PCSK5: variants seen among roughly 807,000 people sequenced by gnomAD.
PCSK5 encodes prohormone convertase 5.
Under a neutral mutation model 233.2 loss-of-function variants are expected in PCSK5, and 129 were observed. The ratio of observed to expected loss-of-function variants is 0.55; its 90% confidence interval spans 0.48 to 0.64. PCSK5 has a LOEUF of 0.64. Among genes scored for constraint, PCSK5 ranks in the 30% least tolerant of loss-of-function variants. PCSK5 has a pLI of 0.00. For missense variants in PCSK5, 2,076 were observed against 2,430.1 expected (o/e 0.85, Z 3.06); for synonymous variants, 825 against 879.2 (o/e 0.94, Z 1.09).
At chr9:76,273,574 TAC>T (rs1554715302) in intron 24 of PCSK5, among the ~76,000 whole-genome samples, 26,111 of 81,078 alleles carry the variant, frequency 0.32, 3,174 homozygotes, top group East Asian at 0.41. Flanking sequence ...AATATATATA[TAC>T]ATATATATAT....
At chr9:75,904,636 A>G (rs915938398) in intron 1 of PCSK5, among the ~76,000 whole-genome samples, 8 of 152,222 alleles carry the variant, frequency 5.3e-5, no homozygotes, top group African/African-American at 1.9e-4. Flanking sequence ...ACAGATCATT[A>G]CAAGTGTTGA....
At chr9:75,942,855 A>G (rs907449067) in intron 2 of PCSK5, among the ~76,000 whole-genome samples, 4 of 147,168 alleles carry the variant, frequency 2.7e-5, no homozygotes, top group Non-Finnish European at 6.0e-5. Context: ...TACTTTTTCT[A>G]GTTGTTGTGG....
At chr9:76,197,997 T>A (rs1412558216) in intron 20 of PCSK5, among the ~76,000 whole-genome samples, 1 of 152,268 alleles carries the variant, frequency 6.6e-6, no homozygotes, top group Non-Finnish European at 1.5e-5. Context: ...GAAATGGGGC[T>A]AATCTGTATA....
intron 24 of PCSK5, among the ~76,000 whole-genome samples, chr9:76,283,644 G>A (rs1189510413): frequency 6.6e-6 from 1 of 152,136 alleles, no homozygotes; most frequent in Non-Finnish European, 1.5e-5. Context: ...TATCTCTGAG[G>A]CATGCCTGTA....
intron 2 of PCSK5, among the ~76,000 whole-genome samples, chr9:75,973,897 C>T (rs1002639523): frequency 2.0e-5 from 3 of 152,152 alleles, no homozygotes; most frequent in Non-Finnish European, 4.4e-5. Context: ...TGATAGGTAC[C>T]TTCCTTGGGT....
intron 29 of PCSK5, 53 bp from the exon 30 acceptor site, chr9:76,310,603 A>G (rs1192358657): frequency 8.0e-7 from 1 of 1,247,562 alleles, no homozygotes. Flanking sequence ...ATGTCTCTGC[A>G]TGGAAAACCA....
At chr9:76,350,973 G>A (rs1359457990) in intron 36 of PCSK5, 45 bp downstream of exon 36, 1 of 951,274 alleles carries the variant, frequency 1.1e-6, no homozygotes, top group Non-Finnish European at 1.7e-6. Flanking sequence ...TTTCTAGAGG[G>A]AAACATGAGC....
At chr9:76,303,578 A>G (rs1192088949) in intron 28 of PCSK5, among the ~76,000 whole-genome samples, 1 of 152,202 alleles carries the variant, frequency 6.6e-6, no homozygotes, top group African/African-American at 2.4e-5. Context: ...CACGGTGTTC[A>G]CTGTCTGATT....
chr9:76,105,337 C>T lies in PCSK5; in HGVS notation c.1108-1914C>T, dbSNP rs150547644. On this transcript the variant is annotated intron_variant, in intron 8 of 37. Transcript: ENST00000674117. ...ATGAGGTATGTAGAGGAATCAAACA[C>T]ATAGCAGTAGAAAGAAGAACGGTGG... Among the ~76,000 whole-genome samples, 98 of 152,246 alleles carry T rather than the reference C, an allele frequency of 6.4e-4. No homozygotes were observed. The East Asian group carries it at 0.018, about 28-fold the overall frequency.
intron 8 of PCSK5, among the ~76,000 whole-genome samples, chr9:76,106,532 T>C (rs1831985806): frequency 6.6e-6 from 1 of 152,216 alleles, no homozygotes; most frequent in East Asian, 1.9e-4. Context: ...AATGACTTAG[T>C]TCTCACATTT....
intron 9 of PCSK5, among the ~76,000 whole-genome samples, chr9:76,126,412 G>A (rs1341683128): frequency 3.3e-5 from 5 of 152,134 alleles, no homozygotes; most frequent in Admixed American, 2.0e-4. Flanking sequence ...TCAGGAGTTC[G>A]AGACCAGCCT....
intron 3 of PCSK5, among the ~76,000 whole-genome samples, chr9:75,996,881 T>G (rs1827045545): frequency 6.6e-6 from 1 of 152,124 alleles, no homozygotes; most frequent in South Asian, 2.1e-4. Context: ...TCATTCTCTT[T>G]TGGAGAGCAG....
chr9:76,163,774 C>T (rs1005039404), intron 12 of PCSK5, among the ~76,000 whole-genome samples: 2 of 151,842 alleles, frequency 1.3e-5, no homozygotes, highest in African/African-American at 4.8e-5. Flanking sequence ...CATTCAAAGT[C>T]TGCCTGTGTC....
chr9:76,101,025 A>G (rs1161776202), intron 8 of PCSK5, among the ~76,000 whole-genome samples: 1 of 152,182 alleles, frequency 6.6e-6, no homozygotes, highest in Non-Finnish European at 1.5e-5. Flanking sequence ...TCTAAAATAG[A>G]GGCACACCCC....
At chr9:75,909,567 T>C (rs1014673134) in intron 1 of PCSK5, among the ~76,000 whole-genome samples, 1 of 151,706 alleles carries the variant, frequency 6.6e-6, no homozygotes, top group African/African-American at 2.4e-5. Flanking sequence ...TGGTGGTGGG[T>C]GCCTGTAATT....
At chr9:76,036,911 A>T (rs958259835) in intron 5 of PCSK5, among the ~76,000 whole-genome samples, 2 of 152,212 alleles carry the variant, frequency 1.3e-5, no homozygotes, top group Non-Finnish European at 2.9e-5. Flanking sequence ...AATTTACAGC[A>T]TTGTGTTCAG....
At position 76,323,317 on chromosome 9, in the gene PCSK5, T is replaced by G. The variant is rs528876344; in HGVS notation, c.4339+29T>G. The G allele has an allele frequency of 1.6e-5, 22 of 1,375,702 alleles. No individual in the cohort carries two copies. In the East Asian group the frequency reaches 4.4e-4, roughly 27 times the overall value. The allele number at this position is 1,375,702 out of a possible 1,614,324, so 85.2% of individuals were successfully genotyped here. A position where few individuals can be genotyped will look rare whatever the true frequency, so the allele number is the denominator to read the frequency against. ...AAGACTTCTGGGATTCAAAATAGGC[T>G]CCGGGGTTTGCATAGTTCCAGCCCC... On this transcript the variant is annotated intron_variant, in intron 32 of 37. Coordinates refer to ENST00000674117, the MANE Select transcript of PCSK5 (RefSeq NM_001372043.1).
At chr9:75,978,731 T>C (rs1165665302) in intron 2 of PCSK5, among the ~76,000 whole-genome samples, 1 of 152,236 alleles carries the variant, frequency 6.6e-6, no homozygotes, top group African/African-American at 2.4e-5. Context: ...ATATTATTTC[T>C]TTTTTCATAG....
chr9:76,022,420 T>C (rs565488166), intron 3 of PCSK5, among the ~76,000 whole-genome samples: 1 of 152,318 alleles, frequency 6.6e-6, no homozygotes, highest in South Asian at 2.1e-4. Context: ...TTCTATTCTC[T>C]TCCATTCCCG....
Sources: allele counts gnomAD v4.1 joint callset (sites outside exome capture counted in the v4.1 genomes callset), GRCh38; gene constraint gnomAD v4.1.1; transcripts MANE v1.5; gene names NCBI Gene and HGNC (gene_info 2026-07-23, HGNC 2026-07-21).